The following TCEA1 variants were observed in gnomAD, a reference collection of about 807,000 sequenced individuals.
TCEA1 encodes transcription elongation factor A protein 1.
In TCEA1, 21 loss-of-function variants were observed where a neutral mutation model predicts 43.8. The ratio of observed to expected loss-of-function variants is 0.48; its 90% CI spans 0.34 to 0.69. TCEA1 has a LOEUF of 0.69. TCEA1 is among the 30% of genes least tolerant of loss of function. The pLI is 0.01. For missense variants in TCEA1, 250 were observed against 365.1 expected (o/e 0.68, Z 2.57); for synonymous variants, 104 against 117.5 (o/e 0.88, Z 0.75).
At chr8:54,005,277 T>G (rs1298387819) in intron 2 of TCEA1, among the ~76,000 whole-genome samples, 1 of 152,228 alleles carries the variant, frequency 6.6e-6, no homozygotes, top group African/African-American at 2.4e-5. Flanking sequence ...AATTTAGAAT[T>G]CCGTTCCTTA....
chr8:54,013,139 G>C (rs1299107410), intron 1 of TCEA1, among the ~76,000 whole-genome samples: 1 of 152,140 alleles, frequency 6.6e-6, no homozygotes, highest in African/African-American at 2.4e-5. Context: ...TAAGTATTAA[G>C]TTGATTCTTC....
At chr8:54,012,475 C>T (rs1394753001) in intron 1 of TCEA1, among the ~76,000 whole-genome samples, 2 of 152,148 alleles carry the variant, frequency 1.3e-5, no homozygotes, top group African/African-American at 2.4e-5. Flanking sequence ...CAGAGAGCTG[C>T]TTGAACCCAG....
intron 2 of TCEA1, among the ~76,000 whole-genome samples, chr8:54,008,551 G>C: frequency 6.6e-6 from 1 of 151,970 alleles, no homozygotes; most frequent in East Asian, 1.9e-4. Context: ...TTGGGGGTAA[G>C]GGACGGGAGG....
Position 53,988,099 on chromosome 8 carries a change from A to G in TCEA1, c.466+15T>C. Reference sequence around the variant, plus strand: ...GGTGACCAAAGGACTGAGAAATAACATGCACTGGACTTACCCCCTGTTCGA... The same window carrying G: ...GGTGACCAAAGGACTGAGAAATAACGTGCACTGGACTTACCCCCTGTTCGA... On this transcript the variant is annotated intron_variant, in intron 5 of 9. Transcript: ENST00000521604. 10 of 1,608,368 alleles carry G rather than the reference A, an allele frequency of 6.2e-6. No individual in the cohort carries two copies. Among genetic ancestry groups the G allele is most frequent in the Non-Finnish European group, 8.5e-6 (10 of 1,178,044 alleles).
chr8:53,985,436 T>C (rs1248635062), intron 6 of TCEA1, among the ~76,000 whole-genome samples: 3 of 152,218 alleles, frequency 2.0e-5, no homozygotes, highest in African/African-American at 4.8e-5. Context: ...CTTGAACTTA[T>C]TCAAGCTTTA....
At chr8:53,983,225 T>C (rs533833061) in intron 7 of TCEA1, among the ~76,000 whole-genome samples, 23 of 152,352 alleles carry the variant, frequency 1.5e-4, no homozygotes, top group African/African-American at 5.5e-4. Context: ...CTATTGTACA[T>C]TTAGTAGATT....
chr8:53,999,860 C>A, intron 3 of TCEA1, 85 bp downstream of exon 3: 4 of 949,590 alleles, frequency 4.2e-6, no homozygotes, highest in Non-Finnish European at 6.6e-6. Flanking sequence ...AAAAATGTAA[C>A]CATTAACTAA....
intron 2 of TCEA1, among the ~76,000 whole-genome samples, chr8:54,009,527 G>C (rs1471725485): frequency 6.6e-6 from 1 of 152,178 alleles, no homozygotes; most frequent in African/African-American, 2.4e-5. Flanking sequence ...CAGAAACACG[G>C]ATGGAACTGA....
rs114332152 is a variant in TCEA1 at position 53,995,199 on chromosome 8, G to A, written c.233-1444C>T. 7.6e-3 allele frequency among the ~76,000 whole-genome samples: 1,150 copies of A among 151,378 alleles called. 16 individuals carry two copies. The highest frequency in any genetic ancestry group is 0.026 in the African/African-American group (1,063 of 41,186). ...ACCTGCAATCCCAGCTAACGCTGAG[G>A]CAGGAGAATCATTTGAACCTGGGAG... On this transcript the variant is annotated intron_variant, in intron 3 of 9. Transcript: ENST00000521604.
intron 8 of TCEA1, chr8:53,973,162 C>A: frequency 3.7e-6 from 2 of 543,254 alleles, no homozygotes; most frequent in South Asian, 1.7e-5. Flanking sequence ...GATGGGAAAA[C>A]AAAAGTCAGA....
At chr8:53,986,144 T>C (rs1803683064) in intron 6 of TCEA1, among the ~76,000 whole-genome samples, 1 of 152,226 alleles carries the variant, frequency 6.6e-6, no homozygotes, top group Admixed American at 6.5e-5. Context: ...CAAGAGACCT[T>C]TCTGGCTGGT....
chr8:53,988,272 C>G lies in TCEA1; in HGVS notation c.321-13G>C. 2 of 1,606,988 alleles carry G rather than the reference C, an allele frequency of 1.2e-6. No individual in the cohort carries two copies. Among genetic ancestry groups the G allele is most frequent in the South Asian group, 2.2e-5 (2 of 90,816 alleles). On this transcript the variant is annotated splice_polypyrimidine_tract_variant and intron_variant, in intron 4 of 9. Coordinates refer to ENST00000521604, the MANE Select transcript of TCEA1 (RefSeq NM_006756.4). ...GCCGCTGGAAGTACTGAAATACGCACAAACACCCCAAAAAGAAATCAAGAA... is the reference window on the plus strand; with the variant it reads ...GCCGCTGGAAGTACTGAAATACGCAGAAACACCCCAAAAAGAAATCAAGAA...
chr8:53,979,254 A>T, intron 7 of TCEA1, 83 bp from the exon 8 acceptor site: 1 of 1,352,136 alleles, frequency 7.4e-7, no homozygotes, highest in Non-Finnish European at 9.8e-7. Context: ...TTAGCCTAAT[A>T]ATAATAAAAC....
intron 5 of TCEA1, 57 bp downstream of exon 5, chr8:53,988,057 T>A (rs1388433384): frequency 6.3e-7 from 1 of 1,577,976 alleles, no homozygotes; most frequent in Admixed American, 1.8e-5. Context: ...GAGTTGGAGA[T>A]GGCAGTGGTT....
chr8:54,007,312 T>C (rs547802293), intron 2 of TCEA1, among the ~76,000 whole-genome samples: 1 of 152,308 alleles, frequency 6.6e-6, no homozygotes, highest in African/African-American at 2.4e-5. Flanking sequence ...AAATGTAAGA[T>C]AGTAATGTTC....
intron 6 of TCEA1, among the ~76,000 whole-genome samples, chr8:53,986,627 G>T (rs922787017): frequency 1.3e-5 from 2 of 152,126 alleles, no homozygotes; most frequent in Non-Finnish European, 2.9e-5. Flanking sequence ...TTTTACTAGG[G>T]ATTTATATGT....
intron 1 of TCEA1, among the ~76,000 whole-genome samples, chr8:54,017,092 C>A (rs1183809490): frequency 3.3e-5 from 5 of 151,356 alleles, no homozygotes; most frequent in African/African-American, 7.3e-5. Context: ...AACACACAGA[C>A]AGAAAGTATA....
intron 6 of TCEA1, among the ~76,000 whole-genome samples, chr8:53,985,301 G>A (rs1368367567): frequency 6.6e-6 from 1 of 152,212 alleles, no homozygotes; most frequent in Admixed American, 6.5e-5. Context: ...ATAGGCGTGA[G>A]CCACCGCGCC....
Position 53,993,770 on chromosome 8 carries a change from A to ATCTCTTTTTTTTTTT in TCEA1, c.233-16_233-15insAAAAAAAAAAAGAGA. Reference sequence around the variant, plus strand: ...TGATGGCCCATCTGAAAATTATGAAATCTCTTAAGTTGCTAGCATTTGTAA... The same window carrying ATCTCTTTTTTTTTTT: ...TGATGGCCCATCTGAAAATTATGAAATCTCTTTTTTTTTTTTCTCTTAAGTTGCTAGCATTTGTAA... On this transcript the variant is annotated splice_polypyrimidine_tract_variant and intron_variant, in intron 3 of 9. Transcript: ENST00000521604. 1.9e-6 allele frequency: 3 copies of ATCTCTTTTTTTTTTT among 1,604,440 alleles called. No individual in the cohort carries two copies. Among genetic ancestry groups the ATCTCTTTTTTTTTTT allele is most frequent in the Non-Finnish European group, 2.6e-6 (3 of 1,175,128 alleles).
Sources: allele counts gnomAD v4.1 joint callset (sites outside exome capture counted in the v4.1 genomes callset), GRCh38; gene constraint gnomAD v4.1.1; transcripts MANE v1.5; gene names NCBI Gene and HGNC (gene_info 2026-07-23, HGNC 2026-07-21).